Variants in COCH observed in about 807,000 individuals in gnomAD.
COCH encodes the protein coagulation factor C homolog, cochlin (Limulus polyphemus).
A neutral mutation model predicts 54.8 loss-of-function variants in COCH; 40 were observed. The ratio of observed to expected loss-of-function variants is 0.73; its 90% confidence interval spans 0.57 to 0.95. The LOEUF (loss-of-function observed/expected upper bound fraction) is 0.95. COCH is among the 40% of genes least tolerant of loss of function. COCH has a pLI of 0.00. For synonymous variants in COCH, 256 were observed against 237.9 expected, an observed-to-expected ratio of 1.08 and a Z score of -0.70; for missense variants, 605 against 675.0, an observed-to-expected ratio of 0.90 and a Z score of 1.15.
intron 11 of COCH, among the ~76,000 whole-genome samples, chr14:30,888,878 A>C (rs1167433302): frequency 6.6e-6 from 1 of 152,130 alleles, no homozygotes; most frequent in Non-Finnish European, 1.5e-5. Flanking sequence ...CTAAATGTAC[A>C]GTTGTACTAA....
At chr14:30,893,643 T>G (rs1245215660), downstream of COCH, among the ~76,000 whole-genome samples, 5 of 152,186 alleles carry the variant, frequency 3.3e-5, no homozygotes, top group African/African-American at 4.8e-5. Flanking sequence ...GGGGGTTATT[T>G]TGAATTGCAT....
intron 3 of COCH, among the ~76,000 whole-genome samples, chr14:30,876,851 T>G (rs2138833404): frequency 6.6e-6 from 1 of 152,148 alleles, no homozygotes; most frequent in African/African-American, 2.4e-5. Context: ...CAGGATGGAG[T>G]GCAGTGATGC....
At chr14:30,879,312 C>A in intron 5 of COCH, 111 bp from the exon 6 acceptor site, 2 of 1,093,672 alleles carry the variant, frequency 1.8e-6, no homozygotes, top group Non-Finnish European at 2.7e-6. Flanking sequence ...TTTGTAACTA[C>A]AATCACCATT....
chr14:30,887,561 T>C (rs1314130886), intron 11 of COCH, among the ~76,000 whole-genome samples: 3 of 152,220 alleles, frequency 2.0e-5, no homozygotes, highest in Non-Finnish European at 4.4e-5. Context: ...CGTAATGTGT[T>C]AGAGATCAAA....
At chr14:30,888,437 G>A in intron 11 of COCH, among the ~76,000 whole-genome samples, 1 of 152,196 alleles carries the variant, frequency 6.6e-6, no homozygotes, top group East Asian at 1.9e-4. Flanking sequence ...AACTCCAAAA[G>A]TTATAGAAAA....
rs116540534 is a variant in COCH, at chr14:30,883,494, A to G, written c.630-1059A>G. Among the ~76,000 whole-genome samples the G allele has an allele frequency of 3.3e-3, 505 of 152,352 alleles. 1 individual carries two copies. The highest frequency in any genetic ancestry group is 0.012 in the African/African-American group (483 of 41,580). ...AGGATACAAAAATGAGACTAATTTC[A>G]TAAGTCATAATCTGGATAGTTGAAA... On this transcript the variant is annotated intron_variant, in intron 8 of 11. Transcript: ENST00000396618.
At chr14:30,884,133 G>A (rs533954380) in intron 8 of COCH, among the ~76,000 whole-genome samples, 12 of 152,260 alleles carry the variant, frequency 7.9e-5, no homozygotes, top group African/African-American at 2.9e-4. Context: ...AGCCAAGCCC[G>A]ATTTCAAGTT....
intron 3 of COCH, chr14:30,876,097 G>T (rs1471167933): frequency 6.6e-6 from 1 of 152,094 alleles, no homozygotes; most frequent in East Asian, 1.9e-4. Flanking sequence ...TGGACAGTAT[G>T]GCCAGAAAGT....
chr14:30,886,365 A>T (rs1895793354), intron 11 of COCH, 53 bp downstream of exon 11: 16 of 1,583,786 alleles, frequency 1.0e-5, no homozygotes, highest in Non-Finnish European at 1.4e-5. Flanking sequence ...GGTTCAGTGA[A>T]TTTAGGAGTA....
At chr14:30,879,031 G>C (rs1895476875) in intron 5 of COCH, 87 bp downstream of exon 5, 2 of 1,549,302 alleles carry the variant, frequency 1.3e-6, no homozygotes, top group Non-Finnish European at 1.8e-6. Context: ...CTTTAACCTT[G>C]ATGGAAAAAC....
Position 30,877,802 on chromosome 14 carries a change from T to TC in COCH, c.239+77dup, listed in dbSNP as rs28400030. 202 of 1,601,122 alleles carry TC rather than the reference T, an allele frequency of 1.3e-4. No individual in the cohort carries two copies. In the East Asian group the frequency reaches 1.6e-3, roughly 13 times the overall value. On this transcript the variant is annotated intron_variant, in intron 4 of 11. Coordinates refer to ENST00000396618, the MANE Select transcript of COCH (RefSeq NM_004086.3). The surrounding 1 kb of genome is among the most constrained non-coding windows in gnomAD (Gnocchi z 8.6). ...TCCTTTCCTGCTTTACCCATCTGGA[T>TC]CCCTTTCCTCCCTGCATTCTTTCTT... is the stretch of plus-strand genomic sequence containing the variant.
intron 11 of COCH, among the ~76,000 whole-genome samples, chr14:30,888,000 T>G (rs186095833): frequency 1.5e-3 from 227 of 152,268 alleles, no homozygotes; most frequent in African/African-American, 4.8e-3. Context: ...TTCGTGAAAA[T>G]TATCCCTTAG....
At chr14:30,893,703 G>A (rs951878284), downstream of COCH, 1 of 152,300 alleles carries the variant, frequency 6.6e-6, no homozygotes, top group East Asian at 1.9e-4. Flanking sequence ...GAAATACTTA[G>A]ACATTATTAA....
At chr14:30,881,212 CAAAAAAAAAAAA>C (rs11297000) in intron 8 of COCH, among the ~76,000 whole-genome samples, 3 of 93,442 alleles carry the variant, frequency 3.2e-5, no homozygotes, top group African/African-American at 1.1e-4. Context: ...GACTATGTCT[CAAAAAAAAAAAA>C]AAAAAAGAAA....
rs201955674 is a variant in COCH at position 30,880,576 on chromosome 14, G to C, written c.482-11G>C. ...GACTGCTAATGAGGGGACTGGTTTG[G>C]TTGTTCGCAGATTGTAAAGCAGACA... On this transcript the variant is annotated splice_polypyrimidine_tract_variant and intron_variant, in intron 7 of 11. Coordinates refer to ENST00000396618, the MANE Select transcript of COCH (RefSeq NM_004086.3). The C allele has an allele frequency of 9.9e-6, 16 of 1,614,128 alleles. No individual in the cohort carries two copies. Among genetic ancestry groups the C allele is most frequent in the South Asian group, 8.8e-5 (8 of 91,078 alleles).
At position 30,884,636 on chromosome 14, in the gene COCH, G is replaced by A. The variant is rs1367721108; in HGVS notation, c.713G>A (p.Arg238Lys). The stretch of plus-strand genomic sequence containing the variant: ...TTTGCCATAAAGGAAGTAGGTTTCA[G>A]AGGGGGTAATTCCAATACAGGTAAG... ...VLFAIKEVGF[R>K]GGNSNTGKAL... is the part of the protein sequence containing the mutation. The change falls in exon 9 of 12, where the codon AGA (arginine) becomes AAA (lysine). Residue 238 changes from arginine (R) to lysine (K), a missense_variant. Physicochemically the swap from Arg to Lys is conservative, Grantham distance 26. Transcript: ENST00000396618. The A allele has an allele frequency of 6.2e-7, 1 of 1,612,426 alleles. No individual in the cohort carries two copies. The highest frequency in any genetic ancestry group is 2.2e-5 in the East Asian group (1 of 44,790).
intron 4 of COCH, among the ~76,000 whole-genome samples, chr14:30,878,082 GA>G (rs1407763886): frequency 6.6e-6 from 1 of 152,164 alleles, no homozygotes; most frequent in Non-Finnish European, 1.5e-5. Context: ...TACAGATGAA[GA>G]AACTGAACTC....
chr14:30,882,119 G>GTTTTTTTTTTTTTTTTTTTT (rs1566410309), intron 8 of COCH, among the ~76,000 whole-genome samples: 3 of 84,874 alleles, frequency 3.5e-5, no homozygotes, highest in African/African-American at 6.0e-5. Context: ...ACTATAAAAT[G>GTTTTTTTTTTTTTTTTTTTT]GTTTTTTTTT....
At chr14:30,895,080 G>GAAAAA (rs1896103162), downstream of COCH, 1 of 71,826 alleles carries the variant, frequency 1.4e-5, no homozygotes, top group Non-Finnish European at 2.3e-5. Flanking sequence ...AAAAAAAAAA[G>GAAAAA]AAGAAGAAGA....
Sources: allele counts gnomAD v4.1 joint callset (sites outside exome capture counted in the v4.1 genomes callset), GRCh38; gene constraint gnomAD v4.1.1; non-coding constraint Gnocchi (gnomAD v3.1); transcripts MANE v1.5; gene names NCBI Gene and HGNC (gene_info 2026-07-23, HGNC 2026-07-21).